Variants in CTNNA3 observed in about 807,000 individuals in gnomAD.
CTNNA3 encodes the protein catenin alpha 3, also known as catenin alpha-3.
CTNNA3 carries 76 observed loss-of-function variants against 95.7 expected under a neutral mutation model. That is an observed-to-expected ratio of 0.79 (90% CI 0.66 to 0.96). The LOEUF (loss-of-function observed/expected upper bound fraction) is 0.96. CTNNA3 is among the 40% of genes least tolerant of loss of function. CTNNA3 has a pLI of 0.00. For missense variants in CTNNA3, 1,191 were observed against 1,089.8 expected (o/e 1.09, Z -1.31); for synonymous variants, 431 against 374.4 (o/e 1.15, Z -1.74).
At chr10:67,188,017 G>A (rs888789634) in intron 6 of CTNNA3, among the ~76,000 whole-genome samples, 2 of 152,170 alleles carry the variant, frequency 1.3e-5, no homozygotes, top group Non-Finnish European at 2.9e-5. Context: ...ATTGGTAATA[G>A]AATGGTGAGC....
chr10:67,291,070 A>G (rs1357771663), intron 5 of CTNNA3, among the ~76,000 whole-genome samples: 1 of 152,048 alleles, frequency 6.6e-6, no homozygotes, highest in African/African-American at 2.4e-5. Context: ...AAGGATTCAC[A>G]TTGCTCTCTG....
intron 6 of CTNNA3, among the ~76,000 whole-genome samples, 159 bp from the exon 7 acceptor site, chr10:67,180,679 T>C (rs1424664399): frequency 6.6e-6 from 1 of 152,228 alleles, no homozygotes; most frequent in African/African-American, 2.4e-5. Flanking sequence ...TATGTAGTGA[T>C]TATTATTCTG....
intron 9 of CTNNA3, among the ~76,000 whole-genome samples, chr10:66,699,308 CTG>C (rs1403946670): frequency 6.6e-6 from 1 of 152,158 alleles, no homozygotes; most frequent in African/African-American, 2.4e-5. Context: ...TTTTTCATAA[CTG>C]TACCAATTTC....
intron 10 of CTNNA3, among the ~76,000 whole-genome samples, chr10:66,552,481 T>C (rs1381615493): frequency 6.6e-6 from 1 of 152,114 alleles, no homozygotes; most frequent in East Asian, 1.9e-4. Flanking sequence ...CCTCCAAAGT[T>C]GACATGCTTT....
intron 14 of CTNNA3, chr10:66,079,401 A>T (rs760221686): frequency 6.6e-6 from 1 of 152,048 alleles, no homozygotes; most frequent in Admixed American, 6.6e-5. Context: ...TATAATGACA[A>T]ATTATATGAA....
intron 7 of CTNNA3, among the ~76,000 whole-genome samples, chr10:66,838,088 A>G (rs1002869243): frequency 6.6e-6 from 1 of 152,128 alleles, no homozygotes; most frequent in African/African-American, 2.4e-5. Flanking sequence ...TATCAAGCAA[A>G]TAAGGCCTGA....
chr10:66,691,548 G>A (rs12241809), intron 9 of CTNNA3, among the ~76,000 whole-genome samples: 26,995 of 152,020 alleles, frequency 0.18, 3,003 homozygotes, highest in East Asian at 0.33. Flanking sequence ...GACAAACAAA[G>A]AGACAGCAGT....
At chr10:66,860,850 C>T (rs997478480) in intron 7 of CTNNA3, among the ~76,000 whole-genome samples, 1 of 152,256 alleles carries the variant, frequency 6.6e-6, no homozygotes, top group Non-Finnish European at 1.5e-5. Context: ...CTCAATGTAA[C>T]CACATTGTAA....
chr10:66,856,763 C>T lies in CTNNA3; in HGVS notation c.1048-81239G>A, dbSNP rs565074710. On this transcript the variant is annotated intron_variant, in intron 7 of 17. Coordinates refer to ENST00000433211, the MANE Select transcript of CTNNA3 (RefSeq NM_013266.4). ...CCATGTTTTATGGGGTTGTTTTCTG[C>T]TTATAAATTTGTTTAAGTTCCTTAT... 1.1e-4 allele frequency among the ~76,000 whole-genome samples: 16 copies of T among 151,816 alleles called. No individual in the cohort carries two copies. The South Asian group carries it at 3.1e-3, about 30-fold the overall frequency.
At chr10:67,468,462 A>G (rs1847689343) in intron 5 of CTNNA3, among the ~76,000 whole-genome samples, 1 of 152,214 alleles carries the variant, frequency 6.6e-6, no homozygotes, top group African/African-American at 2.4e-5. Context: ...GACCACATAT[A>G]TTCAGCCACA....
At chr10:67,499,127 G>A (rs901421408) in intron 5 of CTNNA3, among the ~76,000 whole-genome samples, 1 of 151,526 alleles carries the variant, frequency 6.6e-6, no homozygotes, top group African/African-American at 2.4e-5. Context: ...CTAGTTTATT[G>A]AGAGTTATTA....
At chr10:66,696,191 T>C (rs1389149436) in intron 9 of CTNNA3, among the ~76,000 whole-genome samples, 1 of 152,220 alleles carries the variant, frequency 6.6e-6, no homozygotes, top group African/African-American at 2.4e-5. Flanking sequence ...TTTAACTTCA[T>C]CTTTAAGTGC....
At chr10:66,540,564 T>G (rs756686395) in intron 10 of CTNNA3, among the ~76,000 whole-genome samples, 4 of 152,114 alleles carry the variant, frequency 2.6e-5, no homozygotes, top group Admixed American at 1.3e-4. Context: ...TGAGCCGTTT[T>G]TTCATGTAAA....
intron 13 of CTNNA3, among the ~76,000 whole-genome samples, chr10:66,159,770 T>C (rs2084751837): frequency 6.6e-6 from 1 of 151,924 alleles, no homozygotes; most frequent in Admixed American, 6.6e-5. Flanking sequence ...CTTCTTAGAA[T>C]GTCTGGTAGA....
At chr10:67,478,475 A>G (rs1000657772) in intron 5 of CTNNA3, among the ~76,000 whole-genome samples, 1 of 152,188 alleles carries the variant, frequency 6.6e-6, no homozygotes, top group Non-Finnish European at 1.5e-5. Context: ...TTGGGAGCTC[A>G]TTTTCAGCAT....
At chr10:66,711,913 A>C (rs969820332) in intron 9 of CTNNA3, among the ~76,000 whole-genome samples, 1 of 152,084 alleles carries the variant, frequency 6.6e-6, no homozygotes, top group African/African-American at 2.4e-5. Context: ...TTTACTATTT[A>C]GAATATTTGG....
chr10:66,390,221 T>C (rs949026515), intron 11 of CTNNA3, among the ~76,000 whole-genome samples: 1 of 152,142 alleles, frequency 6.6e-6, no homozygotes, highest in Non-Finnish European at 1.5e-5. Context: ...TTGCAAAAGC[T>C]AGATTGGTTC....
At position 65,923,072 on chromosome 10, in the gene CTNNA3, C is replaced by T. The variant is rs536390069; in HGVS notation, c.2401-2455G>A. Among the ~76,000 whole-genome samples, 5 of 152,224 alleles carry T rather than the reference C, an allele frequency of 3.3e-5. No individual in the cohort carries two copies. In the South Asian group the frequency reaches 8.3e-4, roughly 25 times the overall value. On this transcript the variant is annotated intron_variant, in intron 17 of 17. Coordinates refer to ENST00000433211, the MANE Select transcript of CTNNA3 (RefSeq NM_013266.4). ...CCTCAATATGTGGGGAATTACAGGT[C>T]GCTCCCTCACACTTGGGGATTACAA...
chr10:66,810,633 A>T (rs10822919), intron 7 of CTNNA3, among the ~76,000 whole-genome samples: 129,866 of 152,136 alleles, frequency 0.85, 55,972 homozygotes, highest in East Asian at 1. Flanking sequence ...AAACTGAGTA[A>T]AATATTTTGT....
Sources: allele counts gnomAD v4.1 joint callset (sites outside exome capture counted in the v4.1 genomes callset), GRCh38; gene constraint gnomAD v4.1.1; transcripts MANE v1.5; gene names NCBI Gene and HGNC (gene_info 2026-07-23, HGNC 2026-07-21).